ME1: variants seen among roughly 807,000 people sequenced by gnomAD.
ME1 encodes the protein malic enzyme 1.
A neutral mutation model predicts 66.4 loss-of-function variants in ME1; 74 were observed. That is an observed-to-expected ratio of 1.11 (90% CI 0.92 to 1.35). The LOEUF (loss-of-function observed/expected upper bound fraction) is 1.35, where lower values mean the gene tolerates loss of function less well. ME1 is among the 40% of genes most tolerant of loss of function. ME1 has a pLI of 0.00. For synonymous variants in ME1, 251 were observed against 235.6 expected (o/e 1.07, Z -0.60); for missense variants, 750 against 694.1 (o/e 1.08, Z -0.90).
chr6:83,376,481 G>A (rs1320240929), intron 3 of ME1, among the ~76,000 whole-genome samples: 1 of 142,668 alleles, frequency 7.0e-6, no homozygotes, highest in Non-Finnish European at 1.5e-5. Flanking sequence ...GGCAACAAGA[G>A]TGAAACTCTG....
At chr6:83,268,728 G>GTTA (rs57723634) in intron 6 of ME1, among the ~76,000 whole-genome samples, 8,152 of 143,730 alleles carry the variant, frequency 0.057, 265 homozygotes, top group South Asian at 0.13. Flanking sequence ...ACCATGCCCC[G>GTTA]TTATTATTAT....
chr6:83,254,406 T>C (rs61398271), intron 6 of ME1, among the ~76,000 whole-genome samples: 191 of 152,226 alleles, frequency 1.3e-3, no homozygotes, highest in Middle Eastern at 0.01. Context: ...TTCATGAAGG[T>C]TGAGTCCTCA....
intron 6 of ME1, among the ~76,000 whole-genome samples, chr6:83,276,920 T>A (rs1767192705): frequency 6.6e-6 from 1 of 152,224 alleles, no homozygotes; most frequent in Admixed American, 6.5e-5. Flanking sequence ...CAAATTGTTA[T>A]AAGAAAGAGA....
At chr6:83,350,414 G>T (rs1768775953) in intron 4 of ME1, among the ~76,000 whole-genome samples, 1 of 152,148 alleles carries the variant, frequency 6.6e-6, no homozygotes, top group African/African-American at 2.4e-5. Flanking sequence ...AGGGATATTG[G>T]CTAGAACTCT....
intron 6 of ME1, among the ~76,000 whole-genome samples, chr6:83,281,460 C>A (rs983552590): frequency 4.6e-5 from 7 of 152,110 alleles, no homozygotes; most frequent in African/African-American, 1.7e-4. Context: ...ATTATCTAAA[C>A]TAATTTTTAC....
chr6:83,228,765 TA>T (rs112586895), intron 10 of ME1, 60 bp downstream of exon 10: 62 of 1,122,306 alleles, frequency 5.5e-5, no homozygotes, highest in Admixed American at 2.5e-4. Context: ...AAATTGGTAG[TA>T]AAAAAAACAA....
At chr6:83,357,751 T>A (rs1013604373) in intron 3 of ME1, among the ~76,000 whole-genome samples, 6 of 151,476 alleles carry the variant, frequency 4.0e-5, no homozygotes, top group African/African-American at 1.2e-4. Context: ...CCAGCCTACA[T>A]CTTTCTCCCA....
intron 6 of ME1, among the ~76,000 whole-genome samples, chr6:83,289,688 A>G (rs544465073): frequency 6.6e-6 from 1 of 152,288 alleles, no homozygotes; most frequent in African/African-American, 2.4e-5. Flanking sequence ...CATTGATCAG[A>G]ATAGTTTCAG....
intron 3 of ME1, among the ~76,000 whole-genome samples, chr6:83,370,107 G>A (rs926441869): frequency 6.6e-5 from 10 of 152,120 alleles, no homozygotes; most frequent in African/African-American, 2.2e-4. Context: ...AAGTGATTCA[G>A]GCTAAAATTT....
chr6:83,223,242 C>T (rs532249096), intron 12 of ME1, among the ~76,000 whole-genome samples: 3 of 152,308 alleles, frequency 2.0e-5, no homozygotes, highest in African/African-American at 7.2e-5. Context: ...CAACCTCTGC[C>T]TCCTGGATTC....
chr6:83,398,345 T>G, intron 3 of ME1, 22 bp downstream of exon 3: 1 of 1,527,670 alleles, frequency 6.5e-7, no homozygotes, highest in South Asian at 1.3e-5. Context: ...ACAAGTTGCA[T>G]ATAAAATAAA....
At chr6:83,322,059 G>A (rs751274894) in intron 5 of ME1, among the ~76,000 whole-genome samples, 15 of 152,196 alleles carry the variant, frequency 9.9e-5, no homozygotes, top group Non-Finnish European at 1.9e-4. Flanking sequence ...GCAGAAGAGG[G>A]GACTGACTCT....
intron 6 of ME1, among the ~76,000 whole-genome samples, chr6:83,271,814 A>T (rs1190993269): frequency 1.3e-5 from 2 of 152,192 alleles, no homozygotes; most frequent in Admixed American, 1.3e-4. Context: ...ATTCAATTTC[A>T]TAATAAAAAT....
chr6:83,344,800 T>C (rs1439402392), intron 5 of ME1, among the ~76,000 whole-genome samples: 1 of 151,880 alleles, frequency 6.6e-6, no homozygotes, highest in Non-Finnish European at 1.5e-5. Context: ...GGAGAATCGC[T>C]TGAACCCGGG....
intron 6 of ME1, among the ~76,000 whole-genome samples, chr6:83,286,697 A>G (rs1767402294): frequency 6.6e-6 from 1 of 152,232 alleles, no homozygotes; most frequent in Non-Finnish European, 1.5e-5. Context: ...CATTTAAGAG[A>G]AAAACACAAA....
At chr6:83,340,557 C>G (rs1315398772) in intron 5 of ME1, among the ~76,000 whole-genome samples, 1 of 152,152 alleles carries the variant, frequency 6.6e-6, no homozygotes, top group Non-Finnish European at 1.5e-5. Flanking sequence ...TGTATTAAAC[C>G]ATGACACCTC....
At chr6:83,321,188 C>T (rs897330485) in intron 5 of ME1, among the ~76,000 whole-genome samples, 1 of 152,172 alleles carries the variant, frequency 6.6e-6, no homozygotes, top group African/African-American at 2.4e-5. Flanking sequence ...TGGGTGCTTA[C>T]ACCACAACAG....
intron 9 of ME1, among the ~76,000 whole-genome samples, chr6:83,234,198 T>C (rs1165391951): frequency 2.0e-5 from 3 of 152,194 alleles, no homozygotes; most frequent in Non-Finnish European, 4.4e-5. Context: ...GGTAAAAATG[T>C]CATCAGAGAC....
chr6:83,419,622 T>A (rs372764123), intron 1 of ME1, among the ~76,000 whole-genome samples: 1 of 152,222 alleles, frequency 6.6e-6, no homozygotes, highest in East Asian at 1.9e-4. Context: ...GTGGCAGACA[T>A]ACTTTTCACA....
Sources: allele counts gnomAD v4.1 joint callset (sites outside exome capture counted in the v4.1 genomes callset), GRCh38; gene constraint gnomAD v4.1.1; transcripts MANE v1.5; gene names NCBI Gene and HGNC (gene_info 2026-07-23, HGNC 2026-07-21).